MAN1A1: variants seen among roughly 807,000 people sequenced by gnomAD.
MAN1A1 encodes mannosidase alpha class 1A member 1.
A neutral mutation model predicts 70.8 loss-of-function variants in MAN1A1; 29 were observed. The observed-to-expected ratio is 0.41, with a 90% CI of 0.31 to 0.56. MAN1A1 has a LOEUF of 0.56. Ranked by LOEUF, MAN1A1 falls within the 20% of genes least tolerant of loss-of-function variation. The pLI, the probability that MAN1A1 is intolerant of heterozygous loss-of-function variation, is 0.29. For synonymous variants in MAN1A1, 349 were observed against 330.1 expected, an observed-to-expected ratio of 1.06 and a Z score of -0.62; for missense variants, 747 against 841.3, an observed-to-expected ratio of 0.89 and a Z score of 1.39.
chr6:119,345,863 C>CT (rs1773714466), intron 2 of MAN1A1, among the ~76,000 whole-genome samples: 1 of 152,202 alleles, frequency 6.6e-6, no homozygotes, highest in Admixed American at 6.5e-5. Flanking sequence ...AATCCCAGCA[C>CT]TTTGAGAGGC....
chr6:119,207,806 T>A (rs1773918293), intron 6 of MAN1A1, among the ~76,000 whole-genome samples: 1 of 152,130 alleles, frequency 6.6e-6, no homozygotes, highest in Non-Finnish European at 1.5e-5. Flanking sequence ...AGAGTTCAGC[T>A]CCCTTGGTCT....
chr6:119,280,955 C>T (rs1413510512), intron 5 of MAN1A1, among the ~76,000 whole-genome samples: 4 of 152,202 alleles, frequency 2.6e-5, no homozygotes, highest in East Asian at 3.8e-4. Context: ...AACATCCAGG[C>T]AACACGGCAG....
chr6:119,349,653 C>T lies in MAN1A1; in HGVS notation c.-334G>A, dbSNP rs893314537. 6.1e-6 allele frequency: 6 copies of T among 985,936 alleles called. No homozygotes were observed. The highest frequency in any genetic ancestry group is 7.2e-6 in the Non-Finnish European group (6 of 830,024). 61.1% of individuals were successfully genotyped at this position (985,936 alleles called of 1,614,324 possible). ...CTAGGCTGGGCTGAGCGCGCTGTCC[C>T]ACGGTCCCGCAGCCCCGGCGCGGCT... On this transcript the variant is annotated 5_prime_UTR_variant, in exon 1 of 13. Coordinates refer to ENST00000368468, the MANE Select transcript of MAN1A1 (RefSeq NM_005907.4).
intron 5 of MAN1A1, among the ~76,000 whole-genome samples, chr6:119,274,384 C>T (rs766310865): frequency 9.9e-5 from 15 of 152,098 alleles, no homozygotes; most frequent in Non-Finnish European, 1.6e-4. Flanking sequence ...GGTAGATTTA[C>T]GAGCTATTTC....
chr6:119,182,306 TTG>T (rs1182904128), intron 11 of MAN1A1, among the ~76,000 whole-genome samples: 1 of 152,150 alleles, frequency 6.6e-6, no homozygotes, highest in Non-Finnish European at 1.5e-5. Flanking sequence ...CACATTTTTG[TTG>T]TGTTTTTAGT....
chr6:119,327,179 A>T (rs192805432), intron 2 of MAN1A1: 1 of 152,272 alleles, frequency 6.6e-6, no homozygotes, highest in African/African-American at 2.4e-5. Flanking sequence ...TGCAAAGAAC[A>T]TTCTTCAGCT....
At chr6:119,334,730 A>G (rs1174942116) in intron 2 of MAN1A1, among the ~76,000 whole-genome samples, 1 of 152,260 alleles carries the variant, frequency 6.6e-6, no homozygotes, top group Non-Finnish European at 1.5e-5. Flanking sequence ...ATCAACGGAT[A>G]TTATCACAAA....
intron 6 of MAN1A1, among the ~76,000 whole-genome samples, chr6:119,215,618 C>T (rs994326402): frequency 1.3e-5 from 2 of 152,182 alleles, no homozygotes; most frequent in African/African-American, 4.8e-5. Context: ...ATTGGGTCTA[C>T]ACTTGGCACA....
At chr6:119,307,077 T>A in intron 2 of MAN1A1, 85 bp from the exon 3 acceptor site, 1 of 842,940 alleles carries the variant, frequency 1.2e-6, no homozygotes. Context: ...GAGCAAAGGC[T>A]AAAACATTAA....
rs147555702 is a variant in MAN1A1 at position 119,201,329 on chromosome 6, C to T, written c.1135G>A (p.Val379Ile). The change falls in exon 8 of 13, where the codon GTA becomes ATA. Residue 379 changes from valine (V) to isoleucine (I), a missense_variant. Transcript: ENST00000368468. Reference protein sequence around the residue: ...FAEKVMNIRTVLNKLEKPQGL... With the variant: ...FAEKVMNIRTILNKLEKPQGL... ...TGTGGTTTTTCCAGTTTGTTCAGTA[C>T]TGTTCGAATATTCATTACCTATAAT... is the stretch of plus-strand genomic sequence containing the variant. 8.7e-6 allele frequency: 14 copies of T among 1,611,280 alleles called. No homozygotes were observed. The highest frequency in any genetic ancestry group is 1.6e-4 in the Middle Eastern group (1 of 6,068).
At chr6:119,281,583 C>T (rs1336366724) in intron 5 of MAN1A1, among the ~76,000 whole-genome samples, 3 of 152,186 alleles carry the variant, frequency 2.0e-5, no homozygotes, top group Non-Finnish European at 2.9e-5. Context: ...AGGTTGGACT[C>T]TGAAGGAAGG....
At chr6:119,324,231 C>G (rs1375430686) in intron 2 of MAN1A1, among the ~76,000 whole-genome samples, 1 of 152,210 alleles carries the variant, frequency 6.6e-6, no homozygotes, top group Non-Finnish European at 1.5e-5. Flanking sequence ...TGATGACTCA[C>G]TTCCACCTGA....
chr6:119,194,987 C>A (rs1163962133), intron 8 of MAN1A1, among the ~76,000 whole-genome samples: 1 of 152,022 alleles, frequency 6.6e-6, no homozygotes, highest in Non-Finnish European at 1.5e-5. Flanking sequence ...AGCCCACCAC[C>A]ACACCTGGCT....
At chr6:119,257,066 G>A (rs565016860) in intron 5 of MAN1A1, among the ~76,000 whole-genome samples, 1 of 152,200 alleles carries the variant, frequency 6.6e-6, no homozygotes, top group African/African-American at 2.4e-5. Context: ...TCTAGGGGGA[G>A]AGGTAAGGTT....
intron 5 of MAN1A1, among the ~76,000 whole-genome samples, chr6:119,289,753 G>C (rs894856433): frequency 1.3e-5 from 2 of 152,042 alleles, no homozygotes; most frequent in Admixed American, 6.6e-5. Flanking sequence ...GAAAGTACTT[G>C]AGAGACAGGA....
At chr6:119,219,182 T>C (rs1038296642) in intron 6 of MAN1A1, among the ~76,000 whole-genome samples, 3 of 151,758 alleles carry the variant, frequency 2.0e-5, no homozygotes, top group Non-Finnish European at 4.4e-5. Context: ...AAAATTTCAC[T>C]GATTTATTTT....
At chr6:119,281,194 C>T (rs763614848) in intron 5 of MAN1A1, among the ~76,000 whole-genome samples, 3 of 152,214 alleles carry the variant, frequency 2.0e-5, no homozygotes, top group South Asian at 4.1e-4. Context: ...AAGTCACACT[C>T]GTCACCCTAC....
chr6:119,209,142 T>C (rs1028935755), intron 6 of MAN1A1, among the ~76,000 whole-genome samples: 8 of 150,666 alleles, frequency 5.3e-5, no homozygotes, highest in African/African-American at 7.3e-5. Context: ...CCGATACAAT[T>C]TGGATCATTA....
In MAN1A1 at chr6:119,189,878, G is replaced by C; in HGVS notation, c.1332C>G (p.Ile444Met). ...KKMYFDAVQA[I>M]ETHLIRKSSS... Reference sequence around the variant, plus strand: ...TAGACTTGCGGATCAAATGAGTCTCGATAGCCTGTGAAAAACACTTATTTT... The same window carrying C: ...TAGACTTGCGGATCAAATGAGTCTCCATAGCCTGTGAAAAACACTTATTTT... Residue 444 changes from isoleucine (I) to methionine (M), a missense_variant, in exon 10 of 13, where the codon ATC becomes ATG. Physicochemically the swap from Ile to Met is conservative, Grantham distance 10 (BLOSUM62 1). This residue lies in a region of MAN1A1 where 419 missense variants were observed against 548.2 expected (regional missense o/e 0.76). Transcript: ENST00000368468. 4 of 1,611,172 alleles carry C rather than the reference G, an allele frequency of 2.5e-6. No homozygotes were observed. The highest frequency in any genetic ancestry group is 1.7e-6 in the Non-Finnish European group (2 of 1,177,828).
Sources: allele counts gnomAD v4.1 joint callset (sites outside exome capture counted in the v4.1 genomes callset), GRCh38; gene constraint gnomAD v4.1.1; regional missense constraint gnomAD v4.1.1; transcripts MANE v1.5; gene names NCBI Gene and HGNC (gene_info 2026-07-23, HGNC 2026-07-21).